TANGO6: variants seen among roughly 807,000 people sequenced by gnomAD.
The protein encoded by TANGO6 is transport and Golgi organization protein 6 homolog.
Under a neutral mutation model 114.2 loss-of-function variants are expected in TANGO6, and 90 were observed. The ratio of observed to expected loss-of-function variants is 0.79; its 90% confidence interval spans 0.66 to 0.94. The LOEUF is 0.94. TANGO6 is among the 40% of genes least tolerant of loss of function. The pLI, the probability that TANGO6 is intolerant of heterozygous loss-of-function variation, is 0.00. For missense variants in TANGO6, 1,274 were observed against 1,315.3 expected (o/e 0.97, Z 0.49); for synonymous variants, 477 against 509.8 (o/e 0.94, Z 0.87).
At chr16:68,989,308 C>A (rs1266813968) in intron 15 of TANGO6, among the ~76,000 whole-genome samples, 1 of 143,116 alleles carries the variant, frequency 7.0e-6, no homozygotes, top group Non-Finnish European at 1.5e-5. Flanking sequence ...TTTTTTTTTT[C>A]AATCTTTTTC....
intron 17 of TANGO6, among the ~76,000 whole-genome samples, chr16:69,072,008 G>A (rs1414616729): frequency 6.8e-6 from 1 of 146,274 alleles, no homozygotes; most frequent in Admixed American, 6.9e-5. Flanking sequence ...AAGAGGGAGG[G>A]TGAAGAGAGA....
At chr16:69,023,731 G>T (rs999489082) in intron 16 of TANGO6, among the ~76,000 whole-genome samples, 1 of 151,676 alleles carries the variant, frequency 6.6e-6, no homozygotes, top group African/African-American at 2.4e-5. Context: ...GGGGGATGGT[G>T]TTGTTTACCA....
intron 17 of TANGO6, among the ~76,000 whole-genome samples, chr16:69,073,163 C>T (rs1311661416): frequency 2.0e-5 from 3 of 151,976 alleles, no homozygotes; most frequent in African/African-American, 7.3e-5. Flanking sequence ...TAGGCTGTAC[C>T]TGCATAGCAA....
In TANGO6 at chr16:68,843,718, G is replaced by A. The variant is rs757084913; in HGVS notation, c.94+7G>A. ...CTGCTGCTGAGCCCGGGAGGTGAGA[G>A]GACGCATCTCCGCGCCGGGCTGGAC... On this transcript the variant is annotated splice_region_variant and intron_variant, in intron 1 of 17. Coordinates refer to ENST00000261778, the MANE Select transcript of TANGO6 (RefSeq NM_024562.2). The A allele has an allele frequency of 1.9e-6, 3 of 1,613,126 alleles. No homozygotes were observed. Among genetic ancestry groups the A allele is most frequent in the South Asian group, 1.1e-5 (1 of 91,056 alleles).
chr16:69,020,738 A>G (rs968717924), intron 15 of TANGO6, among the ~76,000 whole-genome samples: 2 of 152,196 alleles, frequency 1.3e-5, no homozygotes, highest in Admixed American at 6.5e-5. Flanking sequence ...TGTTTCTACA[A>G]AAAAATCAAA....
At chr16:69,081,607 T>C (rs938262882) in intron 17 of TANGO6, among the ~76,000 whole-genome samples, 4 of 152,100 alleles carry the variant, frequency 2.6e-5, no homozygotes, top group Non-Finnish European at 5.9e-5. Context: ...TCCCAAGTGC[T>C]GGGATTACAG....
At chr16:68,874,148 G>T (rs1962321426) in intron 4 of TANGO6, among the ~76,000 whole-genome samples, 1 of 152,178 alleles carries the variant, frequency 6.6e-6, no homozygotes. Flanking sequence ...AGACCTGAGA[G>T]AGGACCCTTT....
chr16:68,981,210 CTTTTTTTTTTT>C (rs553789256), intron 15 of TANGO6, among the ~76,000 whole-genome samples: 1 of 111,052 alleles, frequency 9.0e-6, no homozygotes, highest in African/African-American at 3.7e-5. Context: ...TTTTCTTTTC[CTTTTTTTTTTT>C]TTTTTTTTTT....
chr16:68,863,067 C>T lies in TANGO6; in HGVS notation c.852+6C>T, dbSNP rs1247076569. 1.3e-6 allele frequency: 2 copies of T among 1,527,546 alleles called. No homozygotes were observed. The highest frequency in any genetic ancestry group is 2.5e-5 in the South Asian group (2 of 79,980). The allele number at this position is 1,527,546 out of a possible 1,614,324, so 94.6% of individuals were successfully genotyped here. A position where few individuals can be genotyped will look rare whatever the true frequency, so the allele number is the denominator to read the frequency against. On this transcript the variant is annotated splice_donor_region_variant and intron_variant, in intron 3 of 17. Coordinates refer to ENST00000261778, the MANE Select transcript of TANGO6 (RefSeq NM_024562.2). Reference sequence around the variant, plus strand: ...TCCAGGGAGGACCACCCCAGGTACTCAGGCCTAGGGACTCTTGGGGGTGAC... The same window carrying T: ...TCCAGGGAGGACCACCCCAGGTACTTAGGCCTAGGGACTCTTGGGGGTGAC...
At chr16:68,922,948 T>G (rs929911255) in intron 12 of TANGO6, among the ~76,000 whole-genome samples, 5 of 139,276 alleles carry the variant, frequency 3.6e-5, no homozygotes, top group South Asian at 2.5e-4. Context: ...TGTTTTTTTT[T>G]TTTTTTTTTT....
At chr16:68,970,406 G>A (rs965828534) in intron 14 of TANGO6, among the ~76,000 whole-genome samples, 2 of 152,192 alleles carry the variant, frequency 1.3e-5, no homozygotes, top group African/African-American at 2.4e-5. Context: ...GGTGGCTCAT[G>A]CCTTTAATCC....
At chr16:69,029,889 C>G (rs189875332) in intron 16 of TANGO6, among the ~76,000 whole-genome samples, 2 of 150,878 alleles carry the variant, frequency 1.3e-5, no homozygotes, top group African/African-American at 2.4e-5. Flanking sequence ...GGGTGGATCA[C>G]CTAAGGTCAG....
At chr16:68,848,013 A>C (rs1156459703) in intron 1 of TANGO6, among the ~76,000 whole-genome samples, 2 of 151,948 alleles carry the variant, frequency 1.3e-5, no homozygotes, top group Admixed American at 6.6e-5. Flanking sequence ...AAAAAAAAAA[A>C]AAAAAACTAT....
intron 16 of TANGO6, among the ~76,000 whole-genome samples, chr16:69,039,753 C>T (rs1211907853): frequency 1.3e-5 from 2 of 152,346 alleles, no homozygotes; most frequent in South Asian, 4.1e-4. Flanking sequence ...GTGTACACTA[C>T]ATTTGTAGGA....
intron 9 of TANGO6, among the ~76,000 whole-genome samples, chr16:68,905,788 G>A (rs930685185): frequency 6.6e-6 from 1 of 151,746 alleles, no homozygotes; most frequent in Non-Finnish European, 1.5e-5. Flanking sequence ...TGGGAGGATT[G>A]CCTCAGACTG....
chr16:68,990,042 C>T (rs1293354057), intron 15 of TANGO6, among the ~76,000 whole-genome samples: 12 of 152,080 alleles, frequency 7.9e-5, no homozygotes, highest in African/African-American at 4.8e-5. Flanking sequence ...CTCTCTTTCT[C>T]GCTCTGTGTG....
At chr16:68,931,271 A>AT (rs1338875916) in intron 14 of TANGO6, among the ~76,000 whole-genome samples, 1 of 152,166 alleles carries the variant, frequency 6.6e-6, no homozygotes. Context: ...GTGGGCTTCA[A>AT]TTTTTTGTTA....
At chr16:68,853,207 G>A (rs1370764544) in intron 1 of TANGO6, among the ~76,000 whole-genome samples, 1 of 150,796 alleles carries the variant, frequency 6.6e-6, no homozygotes. Flanking sequence ...GAACCCAGGA[G>A]ACAGGGTTTG....
chr16:68,985,052 A>G (rs935763431), intron 15 of TANGO6, among the ~76,000 whole-genome samples: 1 of 143,872 alleles, frequency 7.0e-6, no homozygotes, highest in Non-Finnish European at 1.5e-5. Context: ...GTTTTTTTTT[A>G]AATAGAAATG....
Sources: gnomAD v4.1 joint callset for allele counts (sites outside exome capture counted in the v4.1 genomes callset) on GRCh38, gnomAD v4.1.1 for gene constraint, MANE v1.5 for transcripts, NCBI Gene and HGNC (gene_info 2026-07-23, HGNC 2026-07-21) for gene names.